EGR4: variants seen among roughly 807,000 people sequenced by gnomAD.
The protein encoded by EGR4 is early growth response protein 4.
EGR4 carries 22 observed loss-of-function variants against 25.4 expected under a neutral mutation model. The ratio of observed to expected loss-of-function variants is 0.87; its 90% CI spans 0.62 to 1.24. The LOEUF is 1.24. Among genes scored for constraint, EGR4 ranks in the 50% most tolerant of loss-of-function variants. EGR4 has a pLI of 0.00. For missense variants in EGR4, 742 were observed against 702.9 expected (o/e 1.06, Z -0.63); for synonymous variants, 375 against 320.1 (o/e 1.17, Z -1.83).
Position 73,291,120 on chromosome 2 carries a change from AG to A in EGR4, c.*336del. The A allele has an allele frequency of 3.0e-6, 1 of 329,424 alleles. No homozygotes were observed. Among genetic ancestry groups the A allele is most frequent in the Non-Finnish European group, 5.5e-6 (1 of 180,638 alleles). The allele number at this position is 329,424 out of a possible 1,614,324, so 20.4% of individuals were successfully genotyped here. A position where few individuals can be genotyped will look rare whatever the true frequency, so the allele number is the denominator to read the frequency against. Reference sequence around the variant, plus strand: ...CGCGAGACCGCCTTGGCGCTGCCCCAGCCTGTCTCTGGGGGTTATAGAGGAA... The same window carrying A: ...CGCGAGACCGCCTTGGCGCTGCCCCACCTGTCTCTGGGGGTTATAGAGGAA... On this transcript the variant is annotated 3_prime_UTR_variant, in exon 2 of 2. Transcript: ENST00000436467.
Position 73,293,276 on chromosome 2 carries a change from G to C in EGR4, c.42C>G (p.Leu14=). 6.3e-7 allele frequency: 1 copy of C among 1,589,752 alleles called. No homozygotes were observed. Among genetic ancestry groups the C allele is most frequent in the Non-Finnish European group, 8.5e-7 (1 of 1,170,456 alleles). The part of the protein sequence containing the change: ...LSEFSEPDAL[L]VKSTEGCCAE... ...CGCAACAGCCTTCAGTGGACTTGAC[G>C]AGGAGCGCGTCGGGTTCGGAAAACT... is the stretch of plus-strand genomic sequence containing the variant. Residue 14 remains leucine, a synonymous_variant, in exon 1 of 2, where the codon CTC becomes CTG. Coordinates refer to ENST00000436467, the MANE Select transcript of EGR4 (RefSeq NM_001965.4).
At position 73,291,678 on chromosome 2, in the gene EGR4, T is replaced by C. The variant is rs1181460812; in HGVS notation, c.1240A>G (p.Ile414Val). ...CTGCGGCTGAAGTTGCGGAGGCAGA[T>C]GCGGCACTGGAAGGGTTTGTGGCCC... is the stretch of plus-strand genomic sequence containing the variant. ...HTGHKPFQCR[I>V]CLRNFSRSDH... Residue 414 changes from isoleucine to valine, a missense_variant, in exon 2 of 2, where the codon ATC (isoleucine) becomes GTC (valine). By Grantham distance (29) the Ile-to-Val change is conservative. Transcript: ENST00000436467. 2 of 1,610,568 alleles carry C rather than the reference T, an allele frequency of 1.2e-6. No homozygotes were observed. Among genetic ancestry groups the C allele is most frequent in the Non-Finnish European group, 1.7e-6 (2 of 1,179,888 alleles).
rs1184137979 is a variant in EGR4 at position 73,293,321 on chromosome 2, G to A, written c.-4C>T. On this transcript the variant is annotated 5_prime_UTR_variant, in exon 1 of 2. Transcript: ENST00000436467. ...AAAACTCGCTAAGGTGGAGCATGGC[G>A]CGGCGCCGGCTGTGGGGCGCCCGGG... is the stretch of plus-strand genomic sequence containing the variant. 4.4e-6 allele frequency: 7 copies of A among 1,575,132 alleles called. No individual in the cohort carries two copies. The South Asian group carries it at 8.2e-5, about 19-fold the overall frequency.
At position 73,291,874 on chromosome 2, in the gene EGR4, G is replaced by C. The variant is rs1689109546; in HGVS notation, c.1044C>G (p.Pro348=). Reference sequence around the variant, plus strand: ...GCGCCTTGGCCTGGGGGAAAGGGGTGGGCGGCGGCGGCGGCACGGGTGGTG... The same window carrying C: ...GCGCCTTGGCCTGGGGGAAAGGGGTCGGCGGCGGCGGCGGCACGGGTGGTG... The part of the protein sequence containing the change: ...VAAPPVPPPP[P]TPFPQAKARR... Residue 348 remains proline, a synonymous_variant, in exon 2 of 2, where the codon CCC becomes CCG. Transcript: ENST00000436467. 1.9e-6 allele frequency: 3 copies of C among 1,574,580 alleles called. No individual in the cohort carries two copies. The highest frequency in any genetic ancestry group is 2.6e-6 in the Non-Finnish European group (3 of 1,164,550).
rs757551619 is a variant in EGR4, at chr2:73,292,174, G to A, written c.744C>T (p.Cys248=). ...TKIEDLLSIS[C]PAELPAVPAN... ...CTGGGACGGCCGGCAGTTCCGCAGG[G>A]CAGCTGATGGACAGCAAGTCCTCAA... The change falls in exon 2 of 2, where the codon TGC becomes TGT. Residue 248 remains cysteine, a synonymous_variant. Transcript: ENST00000436467. 6 of 1,587,124 alleles carry A rather than the reference G, an allele frequency of 3.8e-6. No individual in the cohort carries two copies. Among genetic ancestry groups the A allele is most frequent in the African/African-American group, 2.7e-5 (2 of 74,314 alleles).
chr2:73,293,476 G>T lies in EGR4; in HGVS notation c.-159C>A. 1 of 1,509,590 alleles carries T rather than the reference G, an allele frequency of 6.6e-7. No homozygotes were observed. Among genetic ancestry groups the T allele is most frequent in the Non-Finnish European group, 8.8e-7 (1 of 1,131,368 alleles). The allele number at this position is 1,509,590 out of a possible 1,614,324, so 93.5% of individuals were successfully genotyped here. On this transcript the variant is annotated 5_prime_UTR_variant, in exon 1 of 2. Coordinates refer to ENST00000436467, the MANE Select transcript of EGR4 (RefSeq NM_001965.4). ...TCACCTCTGGGAAAGGAGTCGGGGA[G>T]CCGCGGCGCCCTCGCTCGCCCGCAC...
chr2:73,291,923 AT>A lies in EGR4; in HGVS notation c.994del (p.Ile332SerfsTer240). 6.3e-7 allele frequency: 1 copy of A among 1,579,160 alleles called. No homozygotes were observed. Among genetic ancestry groups the A allele is most frequent in the Non-Finnish European group, 8.6e-7 (1 of 1,163,736 alleles). On this transcript the variant is annotated frameshift_variant, in exon 2 of 2. Transcript: ENST00000436467. LOFTEE classifies it high-confidence loss of function. ...ADFPKPLVAD[I>X]PGSSGVAAPP... ...TGCAGCCACGCCACTGCTTCCAGGG[AT>A]GTCCGCCACCAGAGGTTTAGGGAAG... is the stretch of plus-strand genomic sequence containing the variant.
Position 73,292,452 on chromosome 2 carries a change from C to G in EGR4, c.466G>C (p.Glu156Gln). 6.7e-7 allele frequency: 1 copy of G among 1,502,096 alleles called. No homozygotes were observed. The highest frequency in any genetic ancestry group is 8.9e-7 in the Non-Finnish European group (1 of 1,127,690). 93.0% of individuals were successfully genotyped at this position (1,502,096 alleles called of 1,614,324 possible). A position where few individuals can be genotyped will look rare whatever the true frequency, so the allele number is the denominator to read the frequency against. Residue 156 changes from glutamate to glutamine, a missense_variant, in exon 2 of 2, where the codon GAG (glutamate) becomes CAG (glutamine). Glu to Gln is a conservative substitution (Grantham distance 29, BLOSUM62 2). Transcript: ENST00000436467. ...CAAGGCGAGGCCTCCCAGAACGCCT[C>G]TGGGAAAGGGGCAGCGCCCAGATCC... Reference protein sequence around the residue: ...SPDLGAAPFPEAFWEASPCAG... With the variant: ...SPDLGAAPFPQAFWEASPCAG...
chr2:73,293,047 G>T, intron 1 of EGR4, 135 bp downstream of exon 1: 2 of 981,720 alleles, frequency 2.0e-6, no homozygotes, highest in South Asian at 3.2e-5. Context: ...ATGGGGGTGC[G>T]CACCCCAGGA....
Position 73,291,688 on chromosome 2 carries a change from G to T in EGR4, c.1230C>A (p.Phe410Leu), listed in dbSNP as rs368178467. 1.2e-6 allele frequency: 2 copies of T among 1,609,392 alleles called. No individual in the cohort carries two copies. The highest frequency in any genetic ancestry group is 8.5e-7 in the Non-Finnish European group (1 of 1,179,898). Reference protein sequence around the residue: ...HLRIHTGHKPFQCRICLRNFS... With the variant: ...HLRIHTGHKPLQCRICLRNFS... ...AGTTGCGGAGGCAGATGCGGCACTGGAAGGGTTTGTGGCCCGTGTGGATGC... is the reference window on the plus strand; with the variant it reads ...AGTTGCGGAGGCAGATGCGGCACTGTAAGGGTTTGTGGCCCGTGTGGATGC... The change falls in exon 2 of 2, where the codon TTC (phenylalanine) becomes TTA (leucine). Residue 410 changes from phenylalanine to leucine, a missense_variant. Coordinates refer to ENST00000436467, the MANE Select transcript of EGR4 (RefSeq NM_001965.4).
In EGR4 at chr2:73,291,305, T is replaced by G; in HGVS notation, c.*152A>C. 1 of 1,072,358 alleles carries G rather than the reference T, an allele frequency of 9.3e-7. No homozygotes were observed. Among genetic ancestry groups the G allele is most frequent in the South Asian group, 1.7e-5 (1 of 60,336 alleles). 66.4% of individuals were successfully genotyped at this position (1,072,358 alleles called of 1,614,324 possible). The stretch of plus-strand genomic sequence containing the variant: ...CGCGGAGCTGGTGCTGAATAGGGCG[T>G]GTGCGGCGGGCGCTTCAAGGAAACT... On this transcript the variant is annotated 3_prime_UTR_variant, in exon 2 of 2. Coordinates refer to ENST00000436467, the MANE Select transcript of EGR4 (RefSeq NM_001965.4).
Position 73,293,273 on chromosome 2 carries a change from G to A in EGR4, c.45C>T (p.Val15=). ...SEFSEPDALL[V]KSTEGCCAEP... ...CGGCGCAACAGCCTTCAGTGGACTT[G>A]ACGAGGAGCGCGTCGGGTTCGGAAA... The change falls in exon 1 of 2, where the codon GTC becomes GTT. Residue 15 remains valine, a synonymous_variant. Transcript: ENST00000436467. The A allele has an allele frequency of 6.3e-7, 1 of 1,588,182 alleles. No individual in the cohort carries two copies.
rs1487678700 is a variant in EGR4 at position 73,292,314 on chromosome 2, T to G, written c.604A>C (p.Lys202Gln). Residue 202 changes from lysine to glutamine, a missense_variant, in exon 2 of 2, where the codon AAG becomes CAG. By Grantham distance (53) the Lys-to-Gln change is moderately conservative. Transcript: ENST00000436467. ...AGCTCCCAGGGCGCGTAGGGACCCT[T>G]GAAGGCAGAGACAGCGTCCAGCGCT... is the stretch of plus-strand genomic sequence containing the variant. ...SPALDAVSAF[K>Q]GPYAPWELLS... is the part of the protein sequence containing the mutation. The G allele has an allele frequency of 1.9e-6, 3 of 1,601,204 alleles. No homozygotes were observed.
intron 1 of EGR4, 84 bp downstream of exon 1, chr2:73,293,098 G>A: frequency 7.8e-7 from 1 of 1,288,762 alleles, no homozygotes; most frequent in Non-Finnish European, 1.0e-6. Context: ...TAGCTCCAAT[G>A]TCCCAGTCCC....
Position 73,292,301 on chromosome 2 carries a change from G to A in EGR4, c.617C>T (p.Ala206Val), listed in dbSNP as rs1321611453. ...CCCCACAGAAAGCAGCTCCCAGGGC[G>A]CGTAGGGACCCTTGAAGGCAGAGAC... ...DAVSAFKGPY[A>V]PWELLSVGAP... The change falls in exon 2 of 2, where the codon GCG becomes GTG. Residue 206 changes from alanine (A) to valine (V), a missense_variant. Physicochemically the swap from Ala to Val is moderately conservative, Grantham distance 64. Coordinates refer to ENST00000436467, the MANE Select transcript of EGR4 (RefSeq NM_001965.4). 3 of 1,606,648 alleles carry A rather than the reference G, an allele frequency of 1.9e-6. No individual in the cohort carries two copies. The highest frequency in any genetic ancestry group is 3.4e-5 in the Admixed American group (2 of 59,452).
chr2:73,291,721 G>A lies in EGR4; in HGVS notation c.1197C>T (p.Arg399=), dbSNP rs1205222683. ...RSFARSDELN[R]HLRIHTGHKP... ...TGTGGCCCGTGTGGATGCGCAGGTG[G>A]CGATTGAGCTCGTCGGAGCGCGCAA... The change falls in exon 2 of 2, where the codon CGC becomes CGT. Residue 399 remains arginine (R), a synonymous_variant. Coordinates refer to ENST00000436467, the MANE Select transcript of EGR4 (RefSeq NM_001965.4). The A allele has an allele frequency of 1.9e-6, 3 of 1,605,114 alleles. No individual in the cohort carries two copies. Among genetic ancestry groups the A allele is most frequent in the Non-Finnish European group, 8.5e-7 (1 of 1,179,776 alleles).
chr2:73,291,480 C>T lies in EGR4; in HGVS notation c.1438G>A (p.Gly480Ser). Residue 480 changes from glycine to serine, a missense_variant, in exon 2 of 2, where the codon GGC (glycine) becomes AGC (serine). Gly to Ser is a moderately conservative substitution (Grantham distance 56). Coordinates refer to ENST00000436467, the MANE Select transcript of EGR4 (RefSeq NM_001965.4). Reference protein sequence around the residue: ...RLKGLGFYSLGLSFASL With the variant: ...RLKGLGFYSLSLSFASL ...GCTCAGAGAGAAGCGAAGGAGAGGCCCAGCGAGTAAAAGCCGAGGCCCTTG... is the reference window on the plus strand; with the variant it reads ...GCTCAGAGAGAAGCGAAGGAGAGGCTCAGCGAGTAAAAGCCGAGGCCCTTG... 6.2e-7 allele frequency: 1 copy of T among 1,608,086 alleles called. No homozygotes were observed. The highest frequency in any genetic ancestry group is 1.1e-5 in the South Asian group (1 of 90,622).
At position 73,293,403 on chromosome 2, in the gene EGR4, TC is replaced by T; in HGVS notation, c.-87del. ...TGGCGGGGAGGCTGGCGGTAGGGGT[TC>T]CCCGCAGCGCACAGACCTAGGCGCC... On this transcript the variant is annotated 5_prime_UTR_variant, in exon 1 of 2. Transcript: ENST00000436467. 1 of 1,511,100 alleles carries T rather than the reference TC, an allele frequency of 6.6e-7. No homozygotes were observed. The highest frequency in any genetic ancestry group is 8.8e-7 in the Non-Finnish European group (1 of 1,131,210). 93.6% of individuals were successfully genotyped at this position (1,511,100 alleles called of 1,614,324 possible). A position where few individuals can be genotyped will look rare whatever the true frequency, so the allele number is the denominator to read the frequency against.
In EGR4 at chr2:73,292,053, G is replaced by A. The variant is rs1465664493; in HGVS notation, c.865C>T (p.Pro289Ser). Residue 289 changes from proline (P) to serine (S), a missense_variant, in exon 2 of 2, where the codon CCT (proline) becomes TCT (serine). Coordinates refer to ENST00000436467, the MANE Select transcript of EGR4 (RefSeq NM_001965.4). ...CTACTCCCTCCCTCCCCACTAGGAG[G>A]GGTCAGGAGCCCAGGGAGGCCCTCA... The part of the protein sequence containing the change: ...GAEGLPGLLT[P>S]PSGEGGSSGD... 2 of 1,609,780 alleles carry A rather than the reference G, an allele frequency of 1.2e-6. No homozygotes were observed. The highest frequency in any genetic ancestry group is 2.7e-5 in the African/African-American group (2 of 74,818).
Sources: allele counts gnomAD v4.1 joint callset, GRCh38; gene constraint gnomAD v4.1.1; transcripts MANE v1.5; gene names NCBI Gene and HGNC (gene_info 2026-07-23, HGNC 2026-07-21).